Variants in RSKR observed in about 807,000 individuals in gnomAD.
RSKR encodes ribosomal protein S6 kinase-related protein.
RSKR carries 44 observed loss-of-function variants against 56.8 expected under a neutral mutation model. The observed-to-expected ratio is 0.77, with a 90% CI of 0.61 to 1.00. The LOEUF (loss-of-function observed/expected upper bound fraction) is 1.00, where lower values mean the gene tolerates loss of function less well. RSKR is among the 50% of genes least tolerant of loss of function. RSKR has a pLI of 0.00. For synonymous variants in RSKR, 181 were observed against 188.0 expected (o/e 0.96, Z 0.30); for missense variants, 510 against 506.9 (o/e 1.01, Z -0.06).
chr17:28,610,517 ACAGT>A lies in RSKR; in HGVS notation c.1190_1193del (p.Asp397ValfsTer48). 5 of 1,536,112 alleles carry A rather than the reference ACAGT, an allele frequency of 3.3e-6. No homozygotes were observed. Among genetic ancestry groups the A allele is most frequent in the Non-Finnish European group, 4.4e-6 (5 of 1,146,900 alleles). On this transcript the variant is annotated frameshift_variant, in exon 12 of 12. Transcript: ENST00000301037. LOFTEE classifies it high-confidence loss of function. ...GGTAGAGCAAGAAGGACTCCAGATC[ACAGT>A]CAAAGTCGTCAAAGGGCATGGTCTC...
chr17:28,611,192 G>A lies in RSKR; in HGVS notation c.962C>T (p.Ser321Phe). 1 of 1,536,298 alleles carries A rather than the reference G, an allele frequency of 6.5e-7. No individual in the cohort carries two copies. Among genetic ancestry groups the A allele is most frequent in the East Asian group, 2.4e-5 (1 of 40,910 alleles). ...CTGGTTAAGAGAAGCTGGGATCTCA[G>A]AGTCACTGTGGGTCACACTTGCCAA... ...AMLASVTHSD[S>F]EIPASLNQGL... The change falls in exon 11 of 12, where the codon TCT (serine) becomes TTT (phenylalanine). Residue 321 changes from serine (S) to phenylalanine (F), a missense_variant. Coordinates refer to ENST00000301037, the MANE Select transcript of RSKR (RefSeq NM_001174103.2).
intron 1 of RSKR, 140 bp downstream of exon 1, chr17:28,613,947 G>T: frequency 1.7e-6 from 2 of 1,143,874 alleles, no homozygotes; most frequent in Non-Finnish European, 2.5e-6. Flanking sequence ...ATTGGGCTGT[G>T]ATGCTTTCAT....
At chr17:28,612,784 A>G in intron 4 of RSKR, 97 bp from the exon 5 acceptor site, 1 of 1,149,292 alleles carries the variant, frequency 8.7e-7, no homozygotes, top group South Asian at 1.3e-5. Flanking sequence ...CAGAGGGGGA[A>G]CTGCTGCCTC....
At position 28,610,324 on chromosome 17, in the gene RSKR, G is replaced by A. The variant is rs139355551; in HGVS notation, c.*154C>T. 621 of 672,568 alleles carry A rather than the reference G, an allele frequency of 9.2e-4. 6 individuals carry two copies. The East Asian group carries it at 0.015, about 17-fold the overall frequency. The allele number at this position is 672,568 out of a possible 1,614,324, so 41.7% of individuals were successfully genotyped here. The stretch of plus-strand genomic sequence containing the variant: ...CAGCTGTGGCTGCCAGTAGCAGAAT[G>A]TCCAGGTTGGAACTCTGGTCTAAAG... On this transcript the variant is annotated 3_prime_UTR_variant, in exon 12 of 12. Transcript: ENST00000301037.
chr17:28,612,897 C>A (rs757567165), intron 4 of RSKR, 181 bp downstream of exon 4: 2 of 764,078 alleles, frequency 2.6e-6, no homozygotes, highest in Non-Finnish European at 4.4e-6. Context: ...AGAGATTTCC[C>A]TAGTAGGACA....
At chr17:28,610,742 A>G (rs752094650) in intron 11 of RSKR, 43 bp from the exon 12 acceptor site, 1 of 1,497,462 alleles carries the variant, frequency 6.7e-7, no homozygotes, top group South Asian at 1.2e-5. Flanking sequence ...CTAGGACAGG[A>G]CAGGCCTGAA....
rs150887920 is a variant in RSKR at position 28,610,323 on chromosome 17, T to A, written c.*155A>T. On this transcript the variant is annotated 3_prime_UTR_variant, in exon 12 of 12. Transcript: ENST00000301037. ...CCAGCTGTGGCTGCCAGTAGCAGAATGTCCAGGTTGGAACTCTGGTCTAAA... is the reference window on the plus strand; with the variant it reads ...CCAGCTGTGGCTGCCAGTAGCAGAAAGTCCAGGTTGGAACTCTGGTCTAAA... 5.0e-4 allele frequency: 335 copies of A among 663,736 alleles called. 2 individuals carry two copies. In the East Asian group the frequency reaches 8.6e-3, roughly 17 times the overall value. 41.1% of individuals were successfully genotyped at this position (663,736 alleles called of 1,614,324 possible). A position where few individuals can be genotyped will look rare whatever the true frequency, so the allele number is the denominator to read the frequency against.
chr17:28,612,211 T>G, intron 6 of RSKR, 51 bp downstream of exon 6: 1 of 1,601,582 alleles, frequency 6.2e-7, no homozygotes, highest in Non-Finnish European at 8.6e-7. Context: ...ACTCTCCTTC[T>G]TCCGAACTTA....
At chr17:28,611,943 C>T in intron 7 of RSKR, 101 bp downstream of exon 7, 1 of 1,612,810 alleles carries the variant, frequency 6.2e-7, no homozygotes, top group East Asian at 2.2e-5. Context: ...CCCATGGGGG[C>T]CCCAATGTCT....
Position 28,610,366 on chromosome 17 carries a change from G to T in RSKR, c.*112C>A, listed in dbSNP as rs749351604. 10 of 986,478 alleles carry T rather than the reference G, an allele frequency of 1.0e-5. No homozygotes were observed. The Admixed American group carries it at 1.6e-4, about 16-fold the overall frequency. The allele number at this position is 986,478 out of a possible 1,614,324, so 61.1% of individuals were successfully genotyped here. A position where few individuals can be genotyped will look rare whatever the true frequency, so the allele number is the denominator to read the frequency against. On this transcript the variant is annotated 3_prime_UTR_variant, in exon 12 of 12. Coordinates refer to ENST00000301037, the MANE Select transcript of RSKR (RefSeq NM_001174103.2). Reference sequence around the variant, plus strand: ...GGTCTAAAGCCTAGGAGAGCAGAACGGTAAGAGGCTACAAAATAAAAACAA... The same window carrying T: ...GGTCTAAAGCCTAGGAGAGCAGAACTGTAAGAGGCTACAAAATAAAAACAA...
Position 28,610,685 on chromosome 17 carries a change from G to T in RSKR, c.1026C>A (p.Asn342Lys), listed in dbSNP as rs985950097. The change falls in exon 12 of 12, where the codon AAC (asparagine) becomes AAA (lysine). Residue 342 changes from asparagine to lysine, a missense_variant. Coordinates refer to ENST00000301037, the MANE Select transcript of RSKR (RefSeq NM_001174103.2). ...GCAGATAACGTAGACGATGGAGGGG[G>T]TTCTGGCATAAGAGCTGAAGGAAAA... The part of the protein sequence containing the change: ...SLLLHELLCQ[N>K]PLHRLRYLHH... The T allele has an allele frequency of 7.2e-6, 11 of 1,536,194 alleles. No homozygotes were observed. The highest frequency in any genetic ancestry group is 9.6e-6 in the Non-Finnish European group (11 of 1,146,914).
rs2070809000 is a variant in RSKR, at chr17:28,611,256, G to A, written c.901-3C>T. On this transcript the variant is annotated splice_region_variant and splice_polypyrimidine_tract_variant and intron_variant, in intron 10 of 11. Transcript: ENST00000301037. ...TCTCTCTCTGCAGCCACTGGAAACT[G>A]AGTTAAGAGGTAGGGAGTGGAGGTA... is the stretch of plus-strand genomic sequence containing the variant. The A allele has an allele frequency of 6.5e-7, 1 of 1,535,616 alleles. No individual in the cohort carries two copies. The highest frequency in any genetic ancestry group is 8.7e-7 in the Non-Finnish European group (1 of 1,146,424).
At chr17:28,612,479 G>T in intron 5 of RSKR, 113 bp from the exon 6 acceptor site, 1 of 1,365,244 alleles carries the variant, frequency 7.3e-7, no homozygotes, top group Non-Finnish European at 1.0e-6. Context: ...GATACCACCT[G>T]CTGTTCCCCT....
Position 28,613,458 on chromosome 17 carries a change from C to T in RSKR, c.306G>A (p.Arg102=), listed in dbSNP as rs747849888. The T allele has an allele frequency of 6.2e-7, 1 of 1,614,076 alleles. No individual in the cohort carries two copies. The highest frequency in any genetic ancestry group is 8.5e-7 in the Non-Finnish European group (1 of 1,180,048). Residue 102 remains arginine, a synonymous_variant, in exon 2 of 12, where the codon AGG becomes AGA. Coordinates refer to ENST00000301037, the MANE Select transcript of RSKR (RefSeq NM_001174103.2). ...FLPEFPIRPI[R]GQQQLKILGL... ...GACTTACCTTCAGCTGCTGCTGCCC[C>T]CTAATGGGCCTAATGGGAAACTCTG...
chr17:28,613,787 A>G, intron 1 of RSKR, 99 bp from the exon 2 acceptor site: 1 of 1,512,578 alleles, frequency 6.6e-7, no homozygotes, highest in East Asian at 2.3e-5. Context: ...CTCAACCCCT[A>G]GAGGTACATT....
Position 28,610,535 on chromosome 17 carries a change from G to A in RSKR, c.1176C>T (p.Pro392=), listed in dbSNP as rs2070797272. 6.5e-7 allele frequency: 1 copy of A among 1,536,092 alleles called. No homozygotes were observed. The stretch of plus-strand genomic sequence containing the variant: ...CCAGATCACAGTCAAAGTCGTCAAA[G>A]GGCATGGTCTCCGCTGAACTGGGCT... The part of the protein sequence containing the change: ...ATQPSSAETM[P]FDDFDCDLES... Residue 392 remains proline, a synonymous_variant, in exon 12 of 12, where the codon CCC becomes CCT. Coordinates refer to ENST00000301037, the MANE Select transcript of RSKR (RefSeq NM_001174103.2).
Position 28,613,559 on chromosome 17 carries a change from G to T in RSKR, c.205C>A (p.Leu69Ile). ...RGHHYLHQES[L>I]KPAPVLVEKP... ...TCTACCAGTACTGGGGCTGGCTTTAGGGATTCCTGGTGCAGATAGTGGTGC... is the reference window on the plus strand; with the variant it reads ...TCTACCAGTACTGGGGCTGGCTTTATGGATTCCTGGTGCAGATAGTGGTGC... Residue 69 changes from leucine to isoleucine, a missense_variant, in exon 2 of 12, where the codon CTA (leucine) becomes ATA (isoleucine). Physicochemically the swap from Leu to Ile is conservative, Grantham distance 5. Coordinates refer to ENST00000301037, the MANE Select transcript of RSKR (RefSeq NM_001174103.2). The T allele has an allele frequency of 6.2e-7, 1 of 1,614,186 alleles. No individual in the cohort carries two copies. The highest frequency in any genetic ancestry group is 8.5e-7 in the Non-Finnish European group (1 of 1,180,038).
At chr17:28,610,785 G>A (rs1045953396) in intron 11 of RSKR, 86 bp from the exon 12 acceptor site, 1 of 1,276,810 alleles carries the variant, frequency 7.8e-7, no homozygotes, top group Non-Finnish European at 1.1e-6. Flanking sequence ...AGAAGTTCAT[G>A]GAGCTGTGGA....
Position 28,614,132 on chromosome 17 carries a change from C to T in RSKR, c.30G>A (p.Gln10=), listed in dbSNP as rs1230076093. Residue 10 remains glutamine (Q), a synonymous_variant, in exon 1 of 12, where the codon CAG becomes CAA. Transcript: ENST00000301037. MGAVSCRQG[Q]HTQQGEHTRV... The stretch of plus-strand genomic sequence containing the variant: ...GGGTGTGTTCCCCCTGCTGGGTGTG[C>T]TGCCCCTGCCGACAGCTTACTGCTC... 6.2e-7 allele frequency: 1 copy of T among 1,613,530 alleles called. No homozygotes were observed. The highest frequency in any genetic ancestry group is 8.5e-7 in the Non-Finnish European group (1 of 1,179,920).
Sources: gnomAD v4.1 joint callset for allele counts on GRCh38, gnomAD v4.1.1 for gene constraint, MANE v1.5 for transcripts, NCBI Gene and HGNC (gene_info 2026-07-23, HGNC 2026-07-21) for gene names.